The following MYH14 variants were observed in gnomAD, a reference collection of about 807,000 sequenced individuals.
MYH14 encodes the protein myosin heavy chain 14, also known as myosin-14.
A neutral mutation model predicts 255.5 loss-of-function variants in MYH14; 123 were observed. That is an observed-to-expected ratio of 0.48 (90% CI 0.42 to 0.56). The LOEUF is 0.56. Among genes scored for constraint, MYH14 ranks in the 20% least tolerant of loss-of-function variants. The probability of loss-of-function intolerance (pLI) is 0.00; values close to 1 mark genes in which losing one functional copy is unlikely to be tolerated. For synonymous variants in MYH14, 1,095 were observed against 1,161.2 expected, an observed-to-expected ratio of 0.94 and a Z score of 1.16; for missense variants, 2,423 against 2,802.3, an observed-to-expected ratio of 0.86 and a Z score of 3.06.
At position 50,230,124 on chromosome 19, in the gene MYH14, G is replaced by A. The variant is rs1260299750; in HGVS notation, c.875-401G>A. Among the ~76,000 whole-genome samples, 1 of 152,156 alleles carries A rather than the reference G, an allele frequency of 6.6e-6. No individual in the cohort carries two copies. The highest frequency in any genetic ancestry group is 2.4e-5 in the African/African-American group (1 of 41,438). ...GATGGGATTTTGCCATGTTGGCCAG[G>A]CTGGTCTTGAACTCCTGACCTCAGG... is the stretch of plus-strand genomic sequence containing the variant. On this transcript the variant is annotated intron_variant, in intron 8 of 42. Coordinates refer to ENST00000642316, the MANE Select transcript of MYH14 (RefSeq NM_001145809.2). This position sits in a 1 kb window ranked among gnomAD's most constrained non-coding sequence, Gnocchi z 4.7.
intron 1 of MYH14, among the ~76,000 whole-genome samples, chr19:50,204,393 A>G (rs1039833253): frequency 1.3e-5 from 2 of 152,146 alleles, no homozygotes; most frequent in Non-Finnish European, 2.9e-5. Context: ...GTAATCACCA[A>G]CTGGGACGCA....
intron 10 of MYH14, among the ~76,000 whole-genome samples, chr19:50,240,810 A>G (rs1414247630): frequency 6.6e-6 from 1 of 150,554 alleles, no homozygotes; most frequent in Non-Finnish European, 1.5e-5. Flanking sequence ...TAAAAACAGA[A>G]AAACAAACAA....
chr19:50,277,839 C>A (rs2123411302), intron 29 of MYH14, among the ~76,000 whole-genome samples: 1 of 152,062 alleles, frequency 6.6e-6, no homozygotes, highest in African/African-American at 2.4e-5. Flanking sequence ...ATCACTTGAA[C>A]CTGGGAGGCG....
Position 50,281,680 on chromosome 19 carries a change from C to T in MYH14, c.4377C>T (p.Ala1459=), listed in dbSNP as rs779641478. 210 of 1,611,006 alleles carry T rather than the reference C, an allele frequency of 1.3e-4. No homozygotes were observed. The highest frequency in any genetic ancestry group is 1.7e-4 in the Non-Finnish European group (201 of 1,179,202). Residue 1459 remains alanine, a synonymous_variant, in exon 33 of 43, where the codon GCC becomes GCT. Transcript: ENST00000642316. The part of the protein sequence containing the change: ...EEARRRAARE[A]EALTQRLAEK... ...CACGGCGCCGGGCAGCCCGGGAGGC[C>T]GAGGCCCTGACCCAGCGCCTGGCAG...
chr19:50,270,389 G>A (rs1053121425), intron 24 of MYH14, among the ~76,000 whole-genome samples: 2 of 151,632 alleles, frequency 1.3e-5, no homozygotes, highest in African/African-American at 2.4e-5. Flanking sequence ...GTGTGGTAGC[G>A]GGTGCCTGTA....
chr19:50,301,055 A>G (rs2036465034), intron 39 of MYH14, among the ~76,000 whole-genome samples: 1 of 152,200 alleles, frequency 6.6e-6, no homozygotes, highest in Non-Finnish European at 1.5e-5. Context: ...ACTCACTTCC[A>G]TGTACCCAGC....
intron 10 of MYH14, among the ~76,000 whole-genome samples, chr19:50,239,486 C>T (rs677425): frequency 0.96 from 146,721 of 152,286 alleles, 70,733 homozygotes; most frequent in African/African-American, 0.99. Flanking sequence ...TCTAGTTACA[C>T]GTTTTTGGCG....
At position 50,280,260 on chromosome 19, in the gene MYH14, A is replaced by G. The variant is rs1014575981; in HGVS notation, c.4167A>G (p.Lys1389=). The change falls in exon 32 of 43, where the codon AAA becomes AAG. Residue 1389 remains lysine, a synonymous_variant. Coordinates refer to ENST00000642316, the MANE Select transcript of MYH14 (RefSeq NM_001145809.2). This position sits in a 1 kb window ranked among gnomAD's most constrained non-coding sequence, Gnocchi z 4.8. The part of the protein sequence containing the change: ...QELLQEETRA[K]LALGSRVRAM... The stretch of plus-strand genomic sequence containing the variant: ...TGCTGCAGGAGGAGACCAGGGCGAA[A>G]TTGGCCTTGGGGTCCCGGGTGCGAG... 1 of 1,551,524 alleles carries G rather than the reference A, an allele frequency of 6.4e-7. No homozygotes were observed. Among genetic ancestry groups the G allele is most frequent in the Non-Finnish European group, 8.7e-7 (1 of 1,146,970 alleles).
intron 10 of MYH14, among the ~76,000 whole-genome samples, chr19:50,241,707 A>G (rs2033898816): frequency 6.6e-6 from 1 of 151,688 alleles, no homozygotes; most frequent in South Asian, 2.1e-4. Flanking sequence ...CAGTGGTGCA[A>G]TCATGGCTCA....
In MYH14 at chr19:50,210,815, C is replaced by CA. The variant is rs1555752280; in HGVS notation, c.405+45_405+46insA. ...GGGGCGCGTGCGGCGGAGTTGCTGC[C>CA]GGTTGGGGAACCAGGTCCACCACCC... On this transcript the variant is annotated intron_variant, in intron 2 of 42. Transcript: ENST00000642316. 3.3e-6 allele frequency: 5 copies of CA among 1,526,302 alleles called. No individual in the cohort carries two copies. The African/African-American group carries it at 4.2e-5, about 13-fold the overall frequency. 94.5% of individuals were successfully genotyped at this position (1,526,302 alleles called of 1,614,324 possible). A position where few individuals can be genotyped will look rare whatever the true frequency, so the allele number is the denominator to read the frequency against.
intron 9 of MYH14, 94 bp from the exon 10 acceptor site, chr19:50,231,836 A>G: frequency 2.0e-6 from 3 of 1,537,978 alleles, no homozygotes; most frequent in Non-Finnish European, 2.7e-6. Flanking sequence ...GACAGTGAGG[A>G]TATGGCATGT....
intron 5 of MYH14, 26 bp downstream of exon 5, chr19:50,223,375 C>G: frequency 6.7e-7 from 1 of 1,485,702 alleles, no homozygotes; most frequent in Non-Finnish European, 9.2e-7. Flanking sequence ...TTGGGTCACC[C>G]CCGGGCCCTG....
chr19:50,252,719 C>T lies in MYH14; in HGVS notation c.1911C>T (p.Ser637=). 2 of 1,599,198 alleles carry T rather than the reference C, an allele frequency of 1.3e-6. No individual in the cohort carries two copies. Among genetic ancestry groups the T allele is most frequent in the Non-Finnish European group, 8.5e-7 (1 of 1,173,194 alleles). The change falls in exon 16 of 43, where the codon AGC becomes AGT. Residue 637 remains serine, a synonymous_variant. Transcript: ENST00000642316. This position sits in a 1 kb window ranked among gnomAD's most constrained non-coding sequence, Gnocchi z 4.2. ...ACGTCGCAGCCTTGCTCCACCAGAGCACAGACCGGCTGACGGCAGAGATCT... is the reference window on the plus strand; with the variant it reads ...ACGTCGCAGCCTTGCTCCACCAGAGTACAGACCGGCTGACGGCAGAGATCT... The part of the protein sequence containing the change: ...NDNVAALLHQ[S]TDRLTAEIWK...
intron 17 of MYH14, among the ~76,000 whole-genome samples, chr19:50,257,025 C>T (rs1401879270): frequency 1.3e-5 from 2 of 152,172 alleles, no homozygotes; most frequent in Non-Finnish European, 2.9e-5. Context: ...GAAGAAGGGT[C>T]AAAGACCAGA....
In MYH14 at chr19:50,310,031, G is replaced by A. The variant is rs1039165394; in HGVS notation, c.*241G>A. On this transcript the variant is annotated 3_prime_UTR_variant, in exon 43 of 43. Transcript: ENST00000642316. ...TGACTGGAGCTACCTTGCTTGTTGG[G>A]GGACTGGGTACAGTTGGCAAGCTGT... The A allele has an allele frequency of 4.9e-6, 3 of 614,124 alleles. No homozygotes were observed. The African/African-American group carries it at 5.6e-5, about 11-fold the overall frequency. The allele number at this position is 614,124 out of a possible 1,614,324, so 38.0% of individuals were successfully genotyped here. A position where few individuals can be genotyped will look rare whatever the true frequency, so the allele number is the denominator to read the frequency against.
At position 50,257,345 on chromosome 19, in the gene MYH14, C is replaced by T. The variant is rs1251434941; in HGVS notation, c.2091C>T (p.Gly697=). 6.2e-7 allele frequency: 1 copy of T among 1,608,262 alleles called. No individual in the cohort carries two copies. Among genetic ancestry groups the T allele is most frequent in the South Asian group, 1.1e-5 (1 of 90,020 alleles). The change falls in exon 18 of 43, where the codon GGC becomes GGT. Residue 697 remains glycine, a synonymous_variant. Transcript: ENST00000642316. ...GLEQVSSLGD[G]PPGGRPRRGM... is the part of the protein sequence containing the mutation. ...AACAGGTGAGCAGCCTGGGCGACGG[C>T]CCACCAGGTGGCCGCCCCCGTCGGG...
In MYH14 at chr19:50,260,721, T is replaced by C. The variant is rs755404196; in HGVS notation, c.2424+6T>C. 6.2e-7 allele frequency: 1 copy of C among 1,608,378 alleles called. No homozygotes were observed. The highest frequency in any genetic ancestry group is 1.1e-5 in the South Asian group (1 of 90,704). ...AGCAGGCCTGTGAAAAGATGGTGAG[T>C]GGGGCAGAGCCTGGAATGCGTGTGT... On this transcript the variant is annotated splice_donor_region_variant and intron_variant, in intron 20 of 42. Coordinates refer to ENST00000642316, the MANE Select transcript of MYH14 (RefSeq NM_001145809.2).
rs2032142561 is a variant in MYH14, at chr19:50,210,686, C to A, written c.321C>A (p.Ala107=). The part of the protein sequence containing the change: ...QRMNPPKFSK[A]EDMAELTCLN... ...TGAACCCGCCCAAGTTCAGCAAGGC[C>A]GAGGACATGGCCGAGCTGACCTGCC... Residue 107 remains alanine, a synonymous_variant, in exon 2 of 43, where the codon GCC becomes GCA. Transcript: ENST00000642316. 3.8e-6 allele frequency: 6 copies of A among 1,569,962 alleles called. No homozygotes were observed. Among genetic ancestry groups the A allele is most frequent in the Non-Finnish European group, 5.2e-6 (6 of 1,159,460 alleles).
Position 50,217,713 on chromosome 19 carries a change from C to G in MYH14, c.504C>G (p.His168Gln). 6.2e-7 allele frequency: 1 copy of G among 1,613,980 alleles called. No homozygotes were observed. Among genetic ancestry groups the G allele is most frequent in the Non-Finnish European group, 8.5e-7 (1 of 1,179,904 alleles). Reference sequence around the variant, plus strand: ...AGATGTACCGGGGCAAGAAGCGCCACGAGGTGCCACCCCACGTGTACGCAG... The same window carrying G: ...AGATGTACCGGGGCAAGAAGCGCCAGGAGGTGCCACCCCACGTGTACGCAG... The part of the protein sequence containing the change: ...IVEMYRGKKR[H>Q]EVPPHVYAVT... The change falls in exon 3 of 43, where the codon CAC becomes CAG. Residue 168 changes from histidine (H) to glutamine (Q), a missense_variant. Transcript: ENST00000642316.
Sources: gnomAD v4.1 joint callset for allele counts (sites outside exome capture counted in the v4.1 genomes callset) on GRCh38, gnomAD v4.1.1 for gene constraint, Gnocchi (gnomAD v3.1) non-coding constraint, MANE v1.5 for transcripts, NCBI Gene and HGNC (gene_info 2026-07-23, HGNC 2026-07-21) for gene names.